Variants in C2CD5 observed in about 807,000 individuals in gnomAD.
C2CD5 encodes C2 domain-containing protein 5.
In C2CD5, 109 loss-of-function variants were observed where a neutral mutation model predicts 130.3. That is an observed-to-expected ratio of 0.84 (90% CI 0.72 to 0.98). The LOEUF is 0.98. C2CD5 is among the 50% of genes least tolerant of loss of function. The probability of loss-of-function intolerance (pLI) is 0.00; values close to 1 mark genes in which losing one functional copy is unlikely to be tolerated. For missense variants in C2CD5, 996 were observed against 1,261.8 expected, an observed-to-expected ratio of 0.79 and a Z score of 3.19; for synonymous variants, 454 against 429.2, an observed-to-expected ratio of 1.06 and a Z score of -0.71.
chr12:22,530,421 T>C (rs772392198), intron 3 of C2CD5, among the ~76,000 whole-genome samples: 1 of 151,654 alleles, frequency 6.6e-6, no homozygotes, highest in Non-Finnish European at 1.5e-5. Flanking sequence ...ACAGCATATA[T>C]ATTATTCGGG....
intron 2 of C2CD5, among the ~76,000 whole-genome samples, chr12:22,539,414 G>C (rs753694710): frequency 1.3e-5 from 2 of 151,966 alleles, no homozygotes; most frequent in Non-Finnish European, 2.9e-5. Context: ...TTAATATCAA[G>C]TTTTTTCAAG....
chr12:22,453,801 A>C, intron 26 of C2CD5, 95 bp downstream of exon 26: 1 of 1,110,334 alleles, frequency 9.0e-7, no homozygotes, highest in Non-Finnish European at 1.3e-6. Flanking sequence ...AAAGGGCTCT[A>C]AAGAGCAATT....
intron 7 of C2CD5, among the ~76,000 whole-genome samples, chr12:22,521,611 T>C (rs1412259339): frequency 6.6e-6 from 1 of 152,226 alleles, no homozygotes; most frequent in Non-Finnish European, 1.5e-5. Flanking sequence ...ACCTGCAATC[T>C]GACTCTACTG....
Position 22,472,280 on chromosome 12 carries a change from G to T in C2CD5, c.2169+6C>A. ...ATGTGCTTAAAATTAAGAAAAAAAG[G>T]TTTACCTGTATTTCAGAGGTCCAAT... On this transcript the variant is annotated splice_donor_region_variant and intron_variant, in intron 18 of 26. Coordinates refer to ENST00000446597, the MANE Select transcript of C2CD5 (RefSeq NM_001286176.2). The T allele has an allele frequency of 6.8e-7, 1 of 1,463,628 alleles. No individual in the cohort carries two copies. Among genetic ancestry groups the T allele is most frequent in the Non-Finnish European group, 9.4e-7 (1 of 1,064,082 alleles). The allele number at this position is 1,463,628 out of a possible 1,614,324, so 90.7% of individuals were successfully genotyped here. A position where few individuals can be genotyped will look rare whatever the true frequency, so the allele number is the denominator to read the frequency against.
intron 8 of C2CD5, among the ~76,000 whole-genome samples, chr12:22,514,426 C>T (rs1226113298): frequency 1.3e-5 from 2 of 151,776 alleles, no homozygotes; most frequent in East Asian, 3.9e-4. Context: ...AGAAATGAAA[C>T]TAAGATCTTT....
At chr12:22,483,347 TA>T (rs962878804) in intron 13 of C2CD5, among the ~76,000 whole-genome samples, 9 of 151,666 alleles carry the variant, frequency 5.9e-5, no homozygotes, top group Non-Finnish European at 8.8e-5. Flanking sequence ...TGTTAGTCAT[TA>T]AAAAAAATAC....
intron 25 of C2CD5, among the ~76,000 whole-genome samples, chr12:22,455,861 T>C (rs1487613089): frequency 6.6e-6 from 1 of 151,992 alleles, no homozygotes; most frequent in Non-Finnish European, 1.5e-5. Context: ...ATTTTTGTAT[T>C]TATAGTAGAG....
intron 15 of C2CD5, 52 bp from the exon 16 acceptor site, chr12:22,474,943 A>C: frequency 7.8e-7 from 1 of 1,282,308 alleles, no homozygotes; most frequent in Non-Finnish European, 1.1e-6. Flanking sequence ...TTTCCAGTTT[A>C]AATTTTACAT....
chr12:22,471,927 T>C, intron 19 of C2CD5, 40 bp downstream of exon 19: 1 of 1,062,372 alleles, frequency 9.4e-7, no homozygotes. Flanking sequence ...ATTTCATTAT[T>C]ATAGACGCAT....
chr12:22,472,234 T>TA lies in C2CD5; in HGVS notation c.2169+51dup, dbSNP rs946225006. 5.5e-5 allele frequency: 60 copies of TA among 1,098,692 alleles called. No homozygotes were observed. In the Middle Eastern group the frequency reaches 8.1e-4, roughly 15 times the overall value. 68.1% of individuals were successfully genotyped at this position (1,098,692 alleles called of 1,614,324 possible). A position where few individuals can be genotyped will look rare whatever the true frequency, so the allele number is the denominator to read the frequency against. On this transcript the variant is annotated intron_variant, in intron 18 of 26. Transcript: ENST00000446597. ...AAAAGACAAATATTTAAATGGAACT[T>TA]ACTAAAATAACTTATGTGTTATGTG...
intron 7 of C2CD5, among the ~76,000 whole-genome samples, chr12:22,522,872 A>C (rs1481730806): frequency 6.6e-6 from 1 of 152,138 alleles, no homozygotes; most frequent in Non-Finnish European, 1.5e-5. Flanking sequence ...GCAGTGTCTA[A>C]ATATCTGGAA....
At chr12:22,530,437 T>G (rs532756020) in intron 3 of C2CD5, among the ~76,000 whole-genome samples, 2 of 151,572 alleles carry the variant, frequency 1.3e-5, no homozygotes, top group Non-Finnish European at 2.9e-5. Context: ...TCGGGAAGAC[T>G]AGTCAAAACA....
intron 8 of C2CD5, among the ~76,000 whole-genome samples, chr12:22,517,739 A>G (rs189196148): frequency 6.6e-6 from 1 of 150,982 alleles, no homozygotes; most frequent in African/African-American, 2.4e-5. Flanking sequence ...AAATGTCTAC[A>G]TGCCAAAATA....
intron 7 of C2CD5, among the ~76,000 whole-genome samples, chr12:22,521,108 G>T (rs1235615889): frequency 6.6e-6 from 1 of 151,910 alleles, no homozygotes; most frequent in East Asian, 1.9e-4. Flanking sequence ...TCAAATTCCT[G>T]TCTAGAATCA....
chr12:22,461,192 A>T (rs1941076255), intron 22 of C2CD5, among the ~76,000 whole-genome samples: 2 of 152,208 alleles, frequency 1.3e-5, no homozygotes, highest in African/African-American at 2.4e-5. Context: ...AGACTGGGAC[A>T]CCAACTGTCC....
chr12:22,521,440 T>C (rs1950257500), intron 7 of C2CD5, among the ~76,000 whole-genome samples: 1 of 152,218 alleles, frequency 6.6e-6, no homozygotes. Flanking sequence ...GCTCTCTGTA[T>C]TTCATTCTAA....
intron 7 of C2CD5, chr12:22,519,141 A>C: frequency 6.5e-7 from 1 of 1,535,832 alleles, no homozygotes; most frequent in Non-Finnish European, 8.7e-7. Flanking sequence ...GGGAACAGAC[A>C]CAGAGAAGTT....
intron 26 of C2CD5, among the ~76,000 whole-genome samples, chr12:22,451,093 A>G (rs893853287): frequency 3.9e-5 from 6 of 151,998 alleles, no homozygotes; most frequent in African/African-American, 1.4e-4. Context: ...GTTACCATAA[A>G]AAAAAAAATG....
At chr12:22,461,391 A>T (rs970485681) in intron 22 of C2CD5, among the ~76,000 whole-genome samples, 2 of 152,202 alleles carry the variant, frequency 1.3e-5, no homozygotes, top group Non-Finnish European at 2.9e-5. Flanking sequence ...AATCTTTTCT[A>T]TACCTTGATA....
Sources: allele counts gnomAD v4.1 joint callset (sites outside exome capture counted in the v4.1 genomes callset), GRCh38; gene constraint gnomAD v4.1.1; transcripts MANE v1.5; gene names NCBI Gene and HGNC (gene_info 2026-07-23, HGNC 2026-07-21).